USH1C: variants seen among roughly 807,000 people sequenced by gnomAD.
The protein encoded by USH1C is USH1 protein network component harmonin, also known as harmonin.
Under a neutral mutation model 119.3 loss-of-function variants are expected in USH1C, and 90 were observed. That is an observed-to-expected ratio of 0.75 (90% CI 0.64 to 0.90). The LOEUF is 0.90. Ranked by LOEUF, USH1C falls within the 40% of genes least tolerant of loss-of-function variation. USH1C has a pLI of 0.00. For synonymous variants in USH1C, 465 were observed against 443.3 expected (o/e 1.05, Z -0.62); for missense variants, 1,165 against 1,167.7 (o/e 1.00, Z 0.03).
At chr11:17,505,005 C>T (rs1849594934) in intron 19 of USH1C, among the ~76,000 whole-genome samples, 1 of 152,230 alleles carries the variant, frequency 6.6e-6, no homozygotes, top group Admixed American at 6.5e-5. Flanking sequence ...AATATCTCAG[C>T]TGTCCTGCCC....
chr11:17,529,023 C>T (rs974449528), intron 4 of USH1C, among the ~76,000 whole-genome samples: 1 of 152,206 alleles, frequency 6.6e-6, no homozygotes, highest in Non-Finnish European at 1.5e-5. Flanking sequence ...AGTCAGGTCT[C>T]CCTGATCGAC....
intron 18 of USH1C, 134 bp downstream of exon 18, chr11:17,509,222 G>A (rs574386361): frequency 1.6e-6 from 2 of 1,259,186 alleles, no homozygotes; most frequent in African/African-American, 3.0e-5. Context: ...CACACGGAGG[G>A]GGCATTCCTG....
intron 14 of USH1C, among the ~76,000 whole-genome samples, chr11:17,519,312 C>T (rs1050643446): frequency 6.6e-6 from 1 of 152,190 alleles, no homozygotes; most frequent in African/African-American, 2.4e-5. Flanking sequence ...CCCAGCTCAG[C>T]GGGCAGGCGG....
Position 17,520,945 on chromosome 11 carries a change from C to T in USH1C, c.1135G>A (p.Gly379Ser). Residue 379 changes from glycine to serine, a missense_variant, in exon 14 of 27, where the codon GGC (glycine) becomes AGC (serine). Physicochemically the swap from Gly to Ser is moderately conservative, Grantham distance 56. Coordinates refer to ENST00000005226, the MANE Select transcript of USH1C (RefSeq NM_153676.4). ...GGCAAGAGTAGCTGTTCCTTTGAGC[C>T]CCAGTCTTCTTCCCATTGCTTCTTA... ...KFKKQWEEDWGSKEQLLLPKT... is the reference protein window; with the variant it reads ...KFKKQWEEDWSSKEQLLLPKT... The T allele has an allele frequency of 6.2e-7, 1 of 1,614,080 alleles. No homozygotes were observed. The highest frequency in any genetic ancestry group is 1.1e-5 in the South Asian group (1 of 91,072).
chr11:17,501,852 C>G, intron 21 of USH1C, 87 bp downstream of exon 21: 1 of 1,482,586 alleles, frequency 6.7e-7, no homozygotes, highest in Non-Finnish European at 9.3e-7. Context: ...ACCCCAAGGC[C>G]CAGAATGCAC....
intron 18 of USH1C, 28 bp from the exon 19 acceptor site, chr11:17,505,977 G>A: frequency 1.2e-6 from 2 of 1,614,096 alleles, no homozygotes; most frequent in Non-Finnish European, 8.5e-7. Context: ...CAGGGACCCA[G>A]GTGAGGTCAT....
intron 1 of USH1C, among the ~76,000 whole-genome samples, chr11:17,543,175 G>A (rs2133969158): frequency 6.6e-6 from 1 of 152,328 alleles, no homozygotes; most frequent in Non-Finnish European, 1.5e-5. Context: ...AGCCCCTGTG[G>A]CCCCTACACT....
At chr11:17,522,448 G>A (rs1485171673) in intron 12 of USH1C, among the ~76,000 whole-genome samples, 3 of 152,198 alleles carry the variant, frequency 2.0e-5, no homozygotes, top group Non-Finnish European at 4.4e-5. Flanking sequence ...CATAAACAAG[G>A]CCCTAATACA....
At chr11:17,498,372 C>T in intron 23 of USH1C, 101 bp from the exon 24 acceptor site, 5 of 1,106,014 alleles carry the variant, frequency 4.5e-6, no homozygotes, top group Non-Finnish European at 7.0e-6. Context: ...CAGAAGAGAC[C>T]TGAGCCTGGG....
intron 8 of USH1C, among the ~76,000 whole-genome samples, chr11:17,525,520 G>A (rs1043750912): frequency 1.3e-5 from 2 of 152,144 alleles, no homozygotes; most frequent in African/African-American, 2.4e-5. Context: ...AATTATTATC[G>A]CCCATTTATA....
In USH1C at chr11:17,496,744, T is replaced by C. The variant is rs1248343268; in HGVS notation, c.2546+14A>G. The C allele has an allele frequency of 6.2e-6, 10 of 1,614,036 alleles. No individual in the cohort carries two copies. Among genetic ancestry groups the C allele is most frequent in the Non-Finnish European group, 7.6e-6 (9 of 1,179,994 alleles). On this transcript the variant is annotated intron_variant, in intron 25 of 26. Coordinates refer to ENST00000005226, the MANE Select transcript of USH1C (RefSeq NM_153676.4). ...GAAGAAGAGGTCTCAGGCTAGGTGC[T>C]TGCACACACTTACAGCTCATCGTCA... is the stretch of plus-strand genomic sequence containing the variant.
rs1040470628 is a variant in USH1C at position 17,531,455 on chromosome 11, C to A, written c.192G>T (p.Pro64=). Residue 64 remains proline (P), a synonymous_variant, in exon 3 of 27, where the codon CCG becomes CCT. Coordinates refer to ENST00000005226, the MANE Select transcript of USH1C (RefSeq NM_153676.4). This position sits in a 1 kb window ranked among gnomAD's most constrained non-coding sequence, Gnocchi z 4.2. ...SRLPLFDAIR[P]LIPLKHQVEY... is the part of the protein sequence containing the mutation. Reference sequence around the variant, plus strand: ...CCACCTGGTGCTTCAGTGGGATCAGCGGCCGAATGGCATCAAACAGAGGCA... The same window carrying A: ...CCACCTGGTGCTTCAGTGGGATCAGAGGCCGAATGGCATCAAACAGAGGCA... 1.2e-6 allele frequency: 2 copies of A among 1,614,084 alleles called. No homozygotes were observed. Among genetic ancestry groups the A allele is most frequent in the South Asian group, 1.1e-5 (1 of 91,066 alleles).
At position 17,497,407 on chromosome 11, in the gene USH1C, C is replaced by T. The variant is rs140950692; in HGVS notation, c.2491-594G>A. ...GAGCTGAAATCTCTCTCTCTTTCCC[C>T]AGGACTTCCCTCCATCCAATCCAGG... is the stretch of plus-strand genomic sequence containing the variant. On this transcript the variant is annotated intron_variant, in intron 24 of 26. Transcript: ENST00000005226. Among the ~76,000 whole-genome samples, 816 of 152,286 alleles carry T rather than the reference C, an allele frequency of 5.4e-3. 8 individuals carry two copies. The highest frequency in any genetic ancestry group is 0.01 in the Middle Eastern group (3 of 294).
chr11:17,541,675 T>G (rs1295143728), intron 1 of USH1C, among the ~76,000 whole-genome samples: 2 of 152,208 alleles, frequency 1.3e-5, no homozygotes. Flanking sequence ...CCAAGGTTGC[T>G]ACTAGTTACT....
chr11:17,527,042 T>C lies in USH1C; in HGVS notation c.497-2A>G. On this transcript the variant is annotated splice_acceptor_variant, in intron 5 of 26. Coordinates refer to ENST00000005226, the MANE Select transcript of USH1C (RefSeq NM_153676.4). LOFTEE classifies it high-confidence loss of function. ...TTTTCACGGGGATCAGGCCGATGTC[T>C]GCGGGAGAAAGGCACAGGGGTTAGG... 6.4e-7 allele frequency: 1 copy of C among 1,555,516 alleles called. No homozygotes were observed. Among genetic ancestry groups the C allele is most frequent in the East Asian group, 2.4e-5 (1 of 41,484 alleles).
At chr11:17,510,569 G>C (rs754823706) in intron 16 of USH1C, 48 bp from the exon 17 acceptor site, 2 of 1,356,032 alleles carry the variant, frequency 1.5e-6, no homozygotes, top group African/African-American at 2.9e-5. Flanking sequence ...GGGCACATTT[G>C]AATAACATGT....
At chr11:17,506,154 A>C (rs1003795238) in intron 18 of USH1C, among the ~76,000 whole-genome samples, 2 of 152,186 alleles carry the variant, frequency 1.3e-5, no homozygotes, top group Non-Finnish European at 2.9e-5. Flanking sequence ...GATCACAGAA[A>C]CTACTGAGCG....
intron 14 of USH1C, among the ~76,000 whole-genome samples, chr11:17,520,568 G>A (rs1471351954): frequency 6.6e-6 from 1 of 152,226 alleles, no homozygotes; most frequent in Non-Finnish European, 1.5e-5. Context: ...AATCCCATGA[G>A]CTAATCCACT....
At position 17,495,570 on chromosome 11, in the gene USH1C, G is replaced by A. The variant is rs373899424; in HGVS notation, c.2654C>T (p.Thr885Met). 8 of 1,613,872 alleles carry A rather than the reference G, an allele frequency of 5.0e-6. No individual in the cohort carries two copies. Among genetic ancestry groups the A allele is most frequent in the African/African-American group, 2.7e-5 (2 of 74,924 alleles). ...CCTGTGGCCCGCCTGCCTATTCACC[G>A]TGGGCTCCAGCTGCAGGAGGAACCC... ...RHGFLLQLEP[T>M]DLLLKSKRGN... The change falls in exon 26 of 27, where the codon ACG becomes ATG. Residue 885 changes from threonine (T) to methionine (M), a missense_variant and splice_region_variant. By Grantham distance (81) the Thr-to-Met change is moderately conservative. Transcript: ENST00000005226.
Sources: gnomAD v4.1 joint callset for allele counts (sites outside exome capture counted in the v4.1 genomes callset) on GRCh38, gnomAD v4.1.1 for gene constraint, Gnocchi (gnomAD v3.1) non-coding constraint, MANE v1.5 for transcripts, NCBI Gene and HGNC (gene_info 2026-07-23, HGNC 2026-07-21) for gene names.